Variants in FZD6 observed in about 807,000 individuals in gnomAD.
FZD6 encodes frizzled class receptor 6, also known as frizzled-6.
Under a neutral mutation model 61.4 loss-of-function variants are expected in FZD6, and 49 were observed. The ratio of observed to expected loss-of-function variants is 0.80; its 90% CI spans 0.63 to 1.01. The LOEUF (loss-of-function observed/expected upper bound fraction) is 1.01. FZD6 is among the 50% of genes least tolerant of loss of function. The pLI is 0.00. For missense variants in FZD6, 724 were observed against 848.2 expected, an observed-to-expected ratio of 0.85 and a Z score of 1.82; for synonymous variants, 265 against 292.2, an observed-to-expected ratio of 0.91 and a Z score of 0.95.
intron 6 of FZD6, among the ~76,000 whole-genome samples, chr8:103,330,980 ATT>A (rs1815104947): frequency 1.3e-5 from 2 of 152,180 alleles, no homozygotes. Context: ...GATCGAGACC[ATT>A]CTGGCTAACA....
At position 103,300,298 on chromosome 8, in the gene FZD6, C is replaced by G; in HGVS notation, c.177+14C>G. 3 of 1,554,312 alleles carry G rather than the reference C, an allele frequency of 1.9e-6. No homozygotes were observed. The highest frequency in any genetic ancestry group is 1.8e-6 in the Non-Finnish European group (2 of 1,125,312). On this transcript the variant is annotated intron_variant, in intron 2 of 6. Coordinates refer to ENST00000358755, the MANE Select transcript of FZD6 (RefSeq NM_003506.4). The stretch of plus-strand genomic sequence containing the variant: ...GTGGAAATGGAGGTGAGTAGTGCTT[C>G]ATACGTTTATTGAATAGTAGTTTAT...
chr8:103,313,981 A>C (rs1487193931), intron 2 of FZD6, among the ~76,000 whole-genome samples: 1 of 152,124 alleles, frequency 6.6e-6, no homozygotes, highest in African/African-American at 2.4e-5. Context: ...GCAGCTTCCC[A>C]AATACTCCCT....
At chr8:103,313,772 G>C (rs1454851364) in intron 2 of FZD6, among the ~76,000 whole-genome samples, 1 of 127,074 alleles carries the variant, frequency 7.9e-6, no homozygotes, top group African/African-American at 3.5e-5. Flanking sequence ...GTGTGTGTGT[G>C]TGTGTGTGTG....
Position 103,331,662 on chromosome 8 carries a change from A to T in FZD6, c.*153A>T. On this transcript the variant is annotated 3_prime_UTR_variant, in exon 7 of 7. Coordinates refer to ENST00000358755, the MANE Select transcript of FZD6 (RefSeq NM_003506.4). ...GGAAAAAATAGAGTTCAAGAATAAT[A>T]TGACTCATTTCACACAAAGGTTAAT... 1.5e-6 allele frequency: 1 copy of T among 666,158 alleles called. No homozygotes were observed. Among genetic ancestry groups the T allele is most frequent in the Non-Finnish European group, 2.7e-6 (1 of 366,742 alleles). The allele number at this position is 666,158 out of a possible 1,614,324, so 41.3% of individuals were successfully genotyped here. A position where few individuals can be genotyped will look rare whatever the true frequency, so the allele number is the denominator to read the frequency against.
chr8:103,304,097 C>G (rs1049926340), intron 2 of FZD6, among the ~76,000 whole-genome samples: 1 of 152,088 alleles, frequency 6.6e-6, no homozygotes, highest in African/African-American at 2.4e-5. Flanking sequence ...CTGCTGGTTC[C>G]TATTGAATTT....
chr8:103,322,203 C>T (rs1266732034), intron 3 of FZD6, among the ~76,000 whole-genome samples: 1 of 151,754 alleles, frequency 6.6e-6, no homozygotes, highest in African/African-American at 2.4e-5. Flanking sequence ...ACCTTCAGAC[C>T]ACTGTTAATG....
chr8:103,327,638 C>A (rs1814990890), intron 4 of FZD6, among the ~76,000 whole-genome samples: 2 of 151,844 alleles, frequency 1.3e-5, no homozygotes, highest in African/African-American at 2.4e-5. Flanking sequence ...ATAAAGAGCT[C>A]TATTTGTATT....
chr8:103,322,908 G>A (rs1586521932), intron 3 of FZD6, among the ~76,000 whole-genome samples: 1 of 151,986 alleles, frequency 6.6e-6, no homozygotes, highest in African/African-American at 2.4e-5. Context: ...CTTTTAATGG[G>A]AAAAAATCTA....
At chr8:103,310,419 G>A (rs1277007142) in intron 2 of FZD6, among the ~76,000 whole-genome samples, 2 of 152,116 alleles carry the variant, frequency 1.3e-5, no homozygotes, top group Admixed American at 1.3e-4. Context: ...GTAGGGCTGT[G>A]TGCATTGACA....
Position 103,332,131 on chromosome 8 carries a change from G to A in FZD6, c.*622G>A, listed in dbSNP as rs1402108934. ...TTATTGATACCTTACCATCTAAAAT[G>A]TGTGATTTTTATAGTCTCGTTTTAG... On this transcript the variant is annotated 3_prime_UTR_variant, in exon 7 of 7. Transcript: ENST00000358755. 1.3e-5 allele frequency: 2 copies of A among 152,528 alleles called. No individual in the cohort carries two copies. Among genetic ancestry groups the A allele is most frequent in the South Asian group, 2.1e-4 (1 of 4,844 alleles). The allele number at this position is 152,528 out of a possible 1,614,324, so 9.4% of individuals were successfully genotyped here.
chr8:103,299,858 T>C (rs1426218750), intron 1 of FZD6, 98 bp from the exon 2 acceptor site: 10 of 451,402 alleles, frequency 2.2e-5, no homozygotes, highest in Non-Finnish European at 3.3e-5. Context: ...GTTTTTCCAG[T>C]GTTTGTTACC....
intron 3 of FZD6, among the ~76,000 whole-genome samples, chr8:103,319,487 C>T (rs1046478372): frequency 1.3e-5 from 2 of 151,916 alleles, no homozygotes; most frequent in South Asian, 2.1e-4. Flanking sequence ...AGCATGGCAC[C>T]TGTGTCAGTC....
chr8:103,330,450 A>C (rs1815088634), intron 6 of FZD6, among the ~76,000 whole-genome samples: 1 of 152,228 alleles, frequency 6.6e-6, no homozygotes, highest in Admixed American at 6.5e-5. Flanking sequence ...TTTTCTGAAC[A>C]TGAAAAGATA....
chr8:103,312,190 G>C (rs1814514703), intron 2 of FZD6, among the ~76,000 whole-genome samples: 1 of 152,106 alleles, frequency 6.6e-6, no homozygotes, highest in East Asian at 1.9e-4. Flanking sequence ...TTCTGCCAGG[G>C]ACTGACCATT....
chr8:103,330,201 A>G, intron 6 of FZD6, 136 bp downstream of exon 6: 1 of 780,286 alleles, frequency 1.3e-6, no homozygotes, highest in Admixed American at 2.1e-5. Flanking sequence ...GTTTGGGTTC[A>G]GCCTATAAAT....
chr8:103,309,214 A>T (rs1451639527), intron 2 of FZD6, among the ~76,000 whole-genome samples: 1 of 152,196 alleles, frequency 6.6e-6, no homozygotes, highest in Non-Finnish European at 1.5e-5. Context: ...GGGGATGCTG[A>T]TGCTGCTCAC....
rs1025458388 is a variant in FZD6 at position 103,332,426 on chromosome 8, G to C, written c.*917G>C. On this transcript the variant is annotated 3_prime_UTR_variant, in exon 7 of 7. Coordinates refer to ENST00000358755, the MANE Select transcript of FZD6 (RefSeq NM_003506.4). ...TTTAACTTTTGTTTTTTAACATTTAGAATATTACATTTTGTATTATACAGT... is the reference window on the plus strand; with the variant it reads ...TTTAACTTTTGTTTTTTAACATTTACAATATTACATTTTGTATTATACAGT... 6.6e-6 allele frequency: 1 copy of C among 151,974 alleles called. No homozygotes were observed. Among genetic ancestry groups the C allele is most frequent in the African/African-American group, 2.4e-5 (1 of 41,378 alleles). 9.4% of individuals were successfully genotyped at this position (151,974 alleles called of 1,614,324 possible).
Position 103,300,162 on chromosome 8 carries a change from C to A in FZD6, c.55C>A (p.His19Asn). 6.2e-7 allele frequency: 1 copy of A among 1,600,770 alleles called. No homozygotes were observed. Among genetic ancestry groups the A allele is most frequent in the Non-Finnish European group, 8.6e-7 (1 of 1,167,814 alleles). The change falls in exon 2 of 7, where the codon CAC (histidine) becomes AAC (asparagine). Residue 19 changes from histidine (H) to asparagine (N), a missense_variant. By Grantham distance (68) the His-to-Asn change is moderately conservative. Coordinates refer to ENST00000358755, the MANE Select transcript of FZD6 (RefSeq NM_003506.4). ...TATTTTTCTACCCCTCCTAAGAGGG[C>A]ACAGTCTCTTCACCTGTGAACCAAT... Reference protein sequence around the residue: ...TCIFLPLLRGHSLFTCEPITV... With the variant: ...TCIFLPLLRGNSLFTCEPITV...
rs1414701442 is a variant in FZD6, at chr8:103,328,385, G to A, written c.1510G>A (p.Ala504Thr). The A allele has an allele frequency of 1.9e-6, 3 of 1,612,992 alleles. No homozygotes were observed. Among genetic ancestry groups the A allele is most frequent in the African/African-American group, 2.7e-5 (2 of 74,882 alleles). The change falls in exon 5 of 7, where the codon GCT becomes ACT. Residue 504 changes from alanine (A) to threonine (T), a missense_variant. By Grantham distance (58) the Ala-to-Thr change is moderately conservative (BLOSUM62 0). Coordinates refer to ENST00000358755, the MANE Select transcript of FZD6 (RefSeq NM_003506.4). ...AAGCAAAAAGACATGCACAGAATGG[G>A]CTGGGTTTTTTAAACGAAATCGCAA... ...VGSKKTCTEW[A>T]GFFKRNRKRD...
Sources: allele counts gnomAD v4.1 joint callset (sites outside exome capture counted in the v4.1 genomes callset), GRCh38; gene constraint gnomAD v4.1.1; transcripts MANE v1.5; gene names NCBI Gene and HGNC (gene_info 2026-07-23, HGNC 2026-07-21).